The following SPTAN1 variants were observed in gnomAD, a reference collection of about 807,000 sequenced individuals.
SPTAN1 encodes the protein spectrin alpha chain, non-erythrocytic 1.
Under a neutral mutation model 331.3 loss-of-function variants are expected in SPTAN1, and 61 were observed. The ratio of observed to expected loss-of-function variants is 0.18; its 90% confidence interval spans 0.15 to 0.23. The LOEUF (loss-of-function observed/expected upper bound fraction) is 0.23, where lower values mean the gene tolerates loss of function less well. Among genes scored for constraint, SPTAN1 ranks in the 10% least tolerant of loss-of-function variants. The probability of loss-of-function intolerance (pLI) is 1.00; values close to 1 mark genes in which losing one functional copy is unlikely to be tolerated. For synonymous variants in SPTAN1, 1,153 were observed against 1,173.9 expected, an observed-to-expected ratio of 0.98 and a Z score of 0.36; for missense variants, 2,043 against 3,147.9, an observed-to-expected ratio of 0.65 and a Z score of 8.40.
intron 11 of SPTAN1, 97 bp downstream of exon 11, chr9:128,581,156 C>T (rs1435522881): frequency 4.6e-6 from 7 of 1,520,704 alleles, no homozygotes; most frequent in Admixed American, 1.7e-5. Flanking sequence ...GACATCAGTA[C>T]CATGTTAGTT....
At position 128,633,375 on chromosome 9, in the gene SPTAN1, G is replaced by C; in HGVS notation, c.*41G>C. On this transcript the variant is annotated 3_prime_UTR_variant, in exon 57 of 57. Transcript: ENST00000372739. ...ACCCACCCCTCGCTGCTTGCCCTGC[G>C]TCGCCTTGCTGCATGTCCGCTCCTC... 6.2e-7 allele frequency: 1 copy of C among 1,612,804 alleles called. No homozygotes were observed. Among genetic ancestry groups the C allele is most frequent in the Non-Finnish European group, 8.5e-7 (1 of 1,179,980 alleles).
intron 24 of SPTAN1, 81 bp downstream of exon 24, chr9:128,594,454 ATGGATTCTCACTGTC>A: frequency 1.8e-6 from 1 of 560,362 alleles, no homozygotes; most frequent in Non-Finnish European, 2.9e-6. Context: ...TTTTTTTGAG[ATGGATTCTCACTGTC>A]ATCCAAGCTG....
At chr9:128,583,531 C>T (rs1371729924) in intron 15 of SPTAN1, among the ~76,000 whole-genome samples, 1 of 152,154 alleles carries the variant, frequency 6.6e-6, no homozygotes, top group Non-Finnish European at 1.5e-5. Context: ...TGCTGAAAAT[C>T]AAAGTTCAGC....
In SPTAN1 at chr9:128,591,462, C is replaced by T; in HGVS notation, c.3007-15C>T. ...AGAAGGAATTTACTTTCAGTTCTCC[C>T]TCTTTTTTCCTTAGGATTGGTGGAA... is the stretch of plus-strand genomic sequence containing the variant. On this transcript the variant is annotated splice_polypyrimidine_tract_variant and intron_variant, in intron 21 of 56. Coordinates refer to ENST00000372739, the MANE Select transcript of SPTAN1 (RefSeq NM_001130438.3). 1 of 1,614,082 alleles carries T rather than the reference C, an allele frequency of 6.2e-7. No individual in the cohort carries two copies. The highest frequency in any genetic ancestry group is 2.2e-5 in the East Asian group (1 of 44,874).
At chr9:128,607,731 A>G (rs1564279178) in intron 32 of SPTAN1, 28 bp downstream of exon 32, 1 of 1,613,182 alleles carries the variant, frequency 6.2e-7, no homozygotes, top group Middle Eastern at 1.7e-4. Flanking sequence ...CTGAGTAGCA[A>G]AGACGTGGCT....
chr9:128,562,821 C>T (rs1447888576), intron 1 of SPTAN1, among the ~76,000 whole-genome samples: 4 of 151,412 alleles, frequency 2.6e-5, no homozygotes, highest in African/African-American at 7.3e-5. Flanking sequence ...AAATATTAGC[C>T]GGGCGTGATG....
chr9:128,598,859 C>G (rs981786769), intron 25 of SPTAN1, 104 bp from the exon 26 acceptor site: 3 of 1,068,738 alleles, frequency 2.8e-6, no homozygotes, highest in Non-Finnish European at 4.4e-6. Flanking sequence ...TCCATTTGTC[C>G]TTTTGGAATT....
rs780043888 is a variant in SPTAN1 at position 128,625,830 on chromosome 9, T to C, written c.6131T>C (p.Leu2044Pro). 6.2e-7 allele frequency: 1 copy of C among 1,614,114 alleles called. No homozygotes were observed. Among genetic ancestry groups the C allele is most frequent in the African/African-American group, 1.3e-5 (1 of 75,022 alleles). Residue 2044 changes from leucine (L) to proline (P), a missense_variant, in exon 48 of 57, where the codon CTC becomes CCC. Transcript: ENST00000372739. The surrounding 1 kb of genome is among the most constrained non-coding windows in gnomAD (Gnocchi z 4.1). Reference sequence around the variant, plus strand: ...GAAGGCATTGCCAACATCACTGCCCTCAAAGATCAGCTTCTCGCCGCCAAA... The same window carrying C: ...GAAGGCATTGCCAACATCACTGCCCCCAAAGATCAGCTTCTCGCCGCCAAA... ...QQEGIANITA[L>P]KDQLLAAKHV...
At chr9:128,567,320 G>A (rs1324604256) in intron 2 of SPTAN1, among the ~76,000 whole-genome samples, 1 of 152,066 alleles carries the variant, frequency 6.6e-6, no homozygotes, top group Non-Finnish European at 1.5e-5. Context: ...AGGCAGAGTT[G>A]CGCTCATGTC....
At chr9:128,557,355 T>C (rs1286736555) in intron 1 of SPTAN1, among the ~76,000 whole-genome samples, 1 of 152,180 alleles carries the variant, frequency 6.6e-6, no homozygotes, top group Non-Finnish European at 1.5e-5. Flanking sequence ...TTTTCTCTCT[T>C]TTGGGATTCC....
intron 24 of SPTAN1, 24 bp downstream of exon 24, chr9:128,594,397 C>T: frequency 6.6e-7 from 1 of 1,514,240 alleles, no homozygotes; most frequent in Non-Finnish European, 9.1e-7. Context: ...TCAGGCTCAG[C>T]TGAAAATTTG....
chr9:128,566,778 A>G lies in SPTAN1; in HGVS notation c.38A>G (p.Glu13Gly). The change falls in exon 2 of 57, where the codon GAG becomes GGG. Residue 13 changes from glutamate to glycine, a missense_variant. Glu to Gly is a moderately conservative substitution (Grantham distance 98). Transcript: ENST00000372739. The stretch of plus-strand genomic sequence containing the variant: ...GGGGTCAAAGTGCTGGAAACAGCAG[A>G]GGACATCCAGGAGAGGCGGCAGCAG... Reference protein sequence around the residue: ...PSGVKVLETAEDIQERRQQVL... With the variant: ...PSGVKVLETAGDIQERRQQVL... The G allele has an allele frequency of 6.2e-7, 1 of 1,614,238 alleles. No homozygotes were observed. The highest frequency in any genetic ancestry group is 8.5e-7 in the Non-Finnish European group (1 of 1,180,044).
Position 128,604,359 on chromosome 9 carries a change from C to T in SPTAN1, c.3661C>T (p.Leu1221=), listed in dbSNP as rs1855551492. ...LNERWRSLQQ[L]AEERSQLLGS... is the part of the protein sequence containing the mutation. ...TGAGCGCTGGCGGTCCCTACAGCAGCTGGCCGAGGAACGGAGCCAGCTCTT... is the reference window on the plus strand; with the variant it reads ...TGAGCGCTGGCGGTCCCTACAGCAGTTGGCCGAGGAACGGAGCCAGCTCTT... The change falls in exon 29 of 57, where the codon CTG becomes TTG. Residue 1221 remains leucine (L), a synonymous_variant. Transcript: ENST00000372739. 2.5e-6 allele frequency: 4 copies of T among 1,613,918 alleles called. No individual in the cohort carries two copies. Among genetic ancestry groups the T allele is most frequent in the Non-Finnish European group, 3.4e-6 (4 of 1,179,996 alleles).
At chr9:128,606,473 A>G (rs1255381490) in intron 31 of SPTAN1, among the ~76,000 whole-genome samples, 1 of 118,302 alleles carries the variant, frequency 8.5e-6, no homozygotes, top group African/African-American at 3.8e-5. Flanking sequence ...TTCCCTAGAC[A>G]TATATATATA....
In SPTAN1 at chr9:128,608,922, G is replaced by A. The variant is rs145551982; in HGVS notation, c.4540G>A (p.Ala1514Thr). The A allele has an allele frequency of 1.5e-4, 235 of 1,614,240 alleles. 2 individuals carry two copies. In the East Asian group the frequency reaches 5.1e-3, roughly 35 times the overall value. Residue 1514 changes from alanine (A) to threonine (T), a missense_variant, in exon 35 of 57, where the codon GCC becomes ACC. Physicochemically the swap from Ala to Thr is moderately conservative, Grantham distance 58 (BLOSUM62 0). Coordinates refer to ENST00000372739, the MANE Select transcript of SPTAN1 (RefSeq NM_001130438.3). Reference protein sequence around the residue: ...LQAFADQLIAAGHYAKGDISS... With the variant: ...LQAFADQLIATGHYAKGDISS... ...GGCCTTTGCCGACCAGCTCATCGCT[G>A]CCGGCCATTATGCCAAGGGAGACAT...
chr9:128,628,038 C>T (rs1326768346), intron 51 of SPTAN1, 96 bp downstream of exon 51: 2 of 1,486,820 alleles, frequency 1.3e-6, no homozygotes, highest in East Asian at 2.3e-5. Context: ...CGGGATGGGC[C>T]TTCCTGCCCA....
chr9:128,582,925 A>G (rs1238928500), intron 14 of SPTAN1, 76 bp downstream of exon 14: 11 of 1,602,282 alleles, frequency 6.9e-6, no homozygotes, highest in Non-Finnish European at 9.4e-6. Context: ...AATTGTAGCT[A>G]AAGGACGAAA....
chr9:128,566,339 C>T (rs551658063), intron 1 of SPTAN1, among the ~76,000 whole-genome samples: 8 of 152,018 alleles, frequency 5.3e-5, no homozygotes, highest in Non-Finnish European at 7.4e-5. Flanking sequence ...TACAAGTGTG[C>T]GCCACCGCAC....
At chr9:128,607,545 G>T in intron 31 of SPTAN1, 59 bp from the exon 32 acceptor site, 6 of 1,395,254 alleles carry the variant, frequency 4.3e-6, no homozygotes, top group South Asian at 1.2e-5. Context: ...GTTTTCCTGG[G>T]CAGAAGATCT....
Sources: allele counts gnomAD v4.1 joint callset (sites outside exome capture counted in the v4.1 genomes callset), GRCh38; gene constraint gnomAD v4.1.1; non-coding constraint Gnocchi (gnomAD v3.1); transcripts MANE v1.5; gene names NCBI Gene and HGNC (gene_info 2026-07-23, HGNC 2026-07-21).